The following GSE1 variants were observed in gnomAD, a reference collection of about 807,000 sequenced individuals.
GSE1 encodes the protein Gse1 coiled-coil protein.
GSE1 carries 32 observed loss-of-function variants against 112.6 expected under a neutral mutation model. The ratio of observed to expected loss-of-function variants is 0.28; its 90% confidence interval spans 0.21 to 0.38. GSE1 has a LOEUF of 0.38. Among genes scored for constraint, GSE1 ranks in the 10% least tolerant of loss-of-function variants. The pLI is 1.00. For synonymous variants in GSE1, 1,115 were observed against 735.6 expected, an observed-to-expected ratio of 1.52 and a Z score of -8.35; for missense variants, 2,348 against 1,699.2, an observed-to-expected ratio of 1.38 and a Z score of -6.71.
chr16:85,171,709 G>A, exon 1 of GSE1: 1 of 985,638 alleles, frequency 1.0e-6, no homozygotes, highest in Non-Finnish European at 1.2e-6. Context: ...GCTGATCATC[G>A]GTGCTTGCGT....
At chr16:85,266,425 GGCACCGTCT>G (rs1326403794) in intron 1 of GSE1, among the ~76,000 whole-genome samples, 1 of 152,200 alleles carries the variant, frequency 6.6e-6, no homozygotes, top group East Asian at 1.9e-4. Context: ...GGACAGGGAT[GGCACCGTCT>G]GCCAGGCAGG....
At chr16:85,178,018 G>T (rs751074099) in intron 1 of GSE1, among the ~76,000 whole-genome samples, 1 of 152,142 alleles carries the variant, frequency 6.6e-6, no homozygotes, top group Non-Finnish European at 1.5e-5. Context: ...AGCATGTGGC[G>T]CTCTGGGCAC....
chr16:85,428,800 G>C (rs2049051341), intron 2 of GSE1, among the ~76,000 whole-genome samples: 1 of 152,190 alleles, frequency 6.6e-6, no homozygotes, highest in South Asian at 2.1e-4. Flanking sequence ...CGGGCTGGGG[G>C]ATCCTTGGCA....
chr16:85,233,111 C>A (rs1200077527), intron 1 of GSE1, among the ~76,000 whole-genome samples: 1 of 152,282 alleles, frequency 6.6e-6, no homozygotes. Context: ...GCCTTGTCCT[C>A]TTGAATGAAA....
intron 2 of GSE1, among the ~76,000 whole-genome samples, chr16:85,478,927 CT>C (rs2050579715): frequency 2.9e-4 from 8 of 28,052 alleles, no homozygotes; most frequent in African/African-American, 1.1e-3. Flanking sequence ...TTCTTTCTTT[CT>C]CTTTCTTTCT....
At chr16:85,217,782 C>A (rs1294231999) in intron 1 of GSE1, among the ~76,000 whole-genome samples, 4 of 152,194 alleles carry the variant, frequency 2.6e-5, no homozygotes, top group Admixed American at 2.6e-4. Context: ...GCTGCATCCT[C>A]CCCGAATCCT....
chr16:85,330,325 G>A (rs868115392), intron 1 of GSE1, among the ~76,000 whole-genome samples: 2 of 152,216 alleles, frequency 1.3e-5, no homozygotes, highest in South Asian at 2.1e-4. Flanking sequence ...GAGTGCTGTG[G>A]GGTGGGGGCC....
chr16:85,669,019 C>T (rs746957), intron 14 of GSE1, among the ~76,000 whole-genome samples: 8,130 of 152,350 alleles, frequency 0.053, 772 homozygotes, highest in African/African-American at 0.19. Flanking sequence ...TCCTGGGAAG[C>T]CACAGCACCA....
At chr16:85,255,025 T>A (rs1390907907) in intron 1 of GSE1, among the ~76,000 whole-genome samples, 3 of 152,146 alleles carry the variant, frequency 2.0e-5, no homozygotes, top group Non-Finnish European at 4.4e-5. Flanking sequence ...CCGCGGGCGG[T>A]CTCTGCAGGG....
chr16:85,639,036 G>T (rs998832747), intron 2 of GSE1, among the ~76,000 whole-genome samples: 2 of 152,148 alleles, frequency 1.3e-5, no homozygotes, highest in African/African-American at 4.8e-5. Context: ...TGCAGGTTTG[G>T]GCGTGATCCT....
intron 2 of GSE1, 81 bp downstream of exon 2, chr16:85,634,213 C>T (rs770872004): frequency 7.7e-5 from 75 of 974,820 alleles, no homozygotes; most frequent in South Asian, 3.8e-4. Context: ...GCGGCGTGCA[C>T]GCTCACAGCA....
At position 85,661,518 on chromosome 16, in the gene GSE1, C is replaced by T. The variant is rs141847715; in HGVS notation, c.2013C>T (p.Pro671=). 1.2e-4 allele frequency: 199 copies of T among 1,611,954 alleles called. 1 individual carries two copies. The highest frequency in any genetic ancestry group is 5.5e-4 in the African/African-American group (41 of 74,920). ...AGCACCAGCCCTTCCTGCCCGGGCC[C>T]GGGCCCTTCCTGGCTGAGCTCGAGA... ...SLEHQPFLPG[P]GPFLAELEKS... is the part of the protein sequence containing the mutation. Residue 671 remains proline (P), a synonymous_variant, in exon 9 of 16, where the codon CCC becomes CCT. Coordinates refer to ENST00000253458, the MANE Select transcript of GSE1 (RefSeq NM_014615.5).
chr16:85,182,766 G>A (rs1324495925), intron 1 of GSE1, among the ~76,000 whole-genome samples: 1 of 152,106 alleles, frequency 6.6e-6, no homozygotes, highest in East Asian at 1.9e-4. Context: ...GCCTGCGTGG[G>A]AGGGACAGTG....
At chr16:85,276,948 G>A (rs1909427466) in intron 1 of GSE1, among the ~76,000 whole-genome samples, 1 of 152,238 alleles carries the variant, frequency 6.6e-6, no homozygotes, top group African/African-American at 2.4e-5. Flanking sequence ...GGCAGGAGGG[G>A]ACCGTGCAGC....
Position 85,657,576 on chromosome 16 carries a change from G to GCAGAGC in GSE1, c.1613_1618dup (p.Glu539_His540insProGlu), listed in dbSNP as rs747499332. 8 of 1,564,876 alleles carry GCAGAGC rather than the reference G, an allele frequency of 5.1e-6. No homozygotes were observed. The African/African-American group carries it at 1.1e-4, about 21-fold the overall frequency. The stretch of plus-strand genomic sequence containing the variant: ...GGGCCGGCCCCCGGTGCCGGCGGAG[G>GCAGAGC]CAGAGCACAGGCCGGAGAGCACCAC... On this transcript the variant is annotated inframe_insertion, in exon 8 of 16. Coordinates refer to ENST00000253458, the MANE Select transcript of GSE1 (RefSeq NM_014615.5).
intron 1 of GSE1, among the ~76,000 whole-genome samples, chr16:85,305,243 G>A (rs1316867345): frequency 5.9e-5 from 9 of 152,318 alleles, no homozygotes; most frequent in Admixed American, 5.9e-4. Context: ...TCCAGTCCGC[G>A]AAGCTAGAAT....
upstream of GSE1, among the ~76,000 whole-genome samples, chr16:85,611,258 C>T (rs1215870041): frequency 6.6e-6 from 1 of 151,980 alleles, no homozygotes; most frequent in Non-Finnish European, 1.5e-5. Context: ...CCTAACACCT[C>T]CCTATCCTCC....
intron 1 of GSE1, among the ~76,000 whole-genome samples, chr16:85,289,120 C>G (rs1054834920): frequency 4.6e-5 from 7 of 152,200 alleles, no homozygotes; most frequent in African/African-American, 1.4e-4. Context: ...ATCTTTGGCA[C>G]AGCCCTGAGT....
At chr16:85,618,681 A>G (rs1468793473) in intron 1 of GSE1, among the ~76,000 whole-genome samples, 1 of 152,264 alleles carries the variant, frequency 6.6e-6, no homozygotes, top group African/African-American at 2.4e-5. Context: ...AATTAGAGAC[A>G]GGGTCTTGCT....
Sources: gnomAD v4.1 joint callset for allele counts (sites outside exome capture counted in the v4.1 genomes callset) on GRCh38, gnomAD v4.1.1 for gene constraint, MANE v1.5 for transcripts, NCBI Gene and HGNC (gene_info 2026-07-23, HGNC 2026-07-21) for gene names.